KRT82: variants seen among roughly 807,000 people sequenced by gnomAD.
The protein encoded by KRT82 is keratin, type II cuticular Hb2.
Under a neutral mutation model 48.0 loss-of-function variants are expected in KRT82, and 44 were observed. The ratio of observed to expected loss-of-function variants is 0.92; its 90% CI spans 0.72 to 1.18. The LOEUF is 1.18. Among genes scored for constraint, KRT82 ranks in the 50% most tolerant of loss-of-function variants. The probability of loss-of-function intolerance (pLI) is 0.00; values close to 1 mark genes in which losing one functional copy is unlikely to be tolerated. For synonymous variants in KRT82, 297 were observed against 278.3 expected (o/e 1.07, Z -0.67); for missense variants, 701 against 671.4 (o/e 1.04, Z -0.49).
intron 2 of KRT82, among the ~76,000 whole-genome samples, chr12:52,402,933 AAGGCACTGGATTCCCATG>A (rs1288957918): frequency 1.3e-5 from 2 of 152,264 alleles, no homozygotes; most frequent in Non-Finnish European, 2.9e-5. Flanking sequence ...GGACTGTCAC[AAGGCACTGGATTCCCATG>A]GGGCACTGGA....
rs1291756887 is a variant in KRT82, at chr12:52,396,961, G to A, written c.990C>T (p.Arg330=). 6.2e-7 allele frequency: 1 copy of A among 1,614,026 alleles called. No individual in the cohort carries two copies. Among genetic ancestry groups the A allele is most frequent in the Non-Finnish European group, 8.5e-7 (1 of 1,179,998 alleles). Residue 330 remains arginine (R), a synonymous_variant, in exon 6 of 9, where the codon CGC becomes CGT. Transcript: ENST00000257974. ...TTTCCAGGATCTCGTTCTTACGGTT[G>A]CGGAGGTTGTCACAGTGGTTCCCAG... is the stretch of plus-strand genomic sequence containing the variant. The part of the protein sequence containing the change: ...VTAGNHCDNL[R]NRKNEILEMN...
At chr12:52,400,492 C>G in intron 4 of KRT82, 35 bp downstream of exon 4, 1 of 1,534,998 alleles carries the variant, frequency 6.5e-7, no homozygotes, top group Non-Finnish European at 9.0e-7. Flanking sequence ...TGGCTCCAGC[C>G]CTGACTAACC....
chr12:52,400,825 G>T (rs1211754133), intron 3 of KRT82, among the ~76,000 whole-genome samples: 1 of 152,166 alleles, frequency 6.6e-6, no homozygotes, highest in African/African-American at 2.4e-5. Context: ...AGGATCTGAA[G>T]GGGGTGGGGC....
intron 2 of KRT82, among the ~76,000 whole-genome samples, chr12:52,401,700 C>T (rs1276252857): frequency 3.3e-5 from 5 of 152,198 alleles, no homozygotes; most frequent in African/African-American, 7.2e-5. Context: ...GCTGGCCTAG[C>T]TGTTTTTTTC....
chr12:52,395,866 G>C (rs545393253), intron 7 of KRT82, 76 bp from the exon 8 acceptor site: 1 of 1,464,366 alleles, frequency 6.8e-7, no homozygotes, highest in South Asian at 1.3e-5. Flanking sequence ...CCCCGCTCCC[G>C]CCCTCATTGT....
At chr12:52,400,480 C>T (rs774447389) in intron 4 of KRT82, 47 bp downstream of exon 4, 18 of 1,461,974 alleles carry the variant, frequency 1.2e-5, no homozygotes, top group Non-Finnish European at 9.6e-7. Context: ...CTCTCGATCC[C>T]TTGGCTCCAG....
At chr12:52,400,858 A>G (rs916161) in intron 3 of KRT82, among the ~76,000 whole-genome samples, 118,895 of 152,104 alleles carry the variant, frequency 0.78, 47,105 homozygotes, top group African/African-American at 0.92. Context: ...TAGCAGCAGC[A>G]TCTCAGAGCC....
intron 5 of KRT82, among the ~76,000 whole-genome samples, chr12:52,399,631 G>A (rs563591804): frequency 2.0e-5 from 3 of 152,316 alleles, no homozygotes; most frequent in African/African-American, 7.2e-5. Context: ...GAAGCTTAGA[G>A]CCCTCTTTGC....
At chr12:52,400,390 C>T (rs1482924118) in intron 4 of KRT82, 137 bp downstream of exon 4, 10 of 727,148 alleles carry the variant, frequency 1.4e-5, no homozygotes, top group East Asian at 2.6e-5. Flanking sequence ...TGAGTCTCAC[C>T]GCCTGAGAAC....
At chr12:52,395,972 C>G (rs750435842) in intron 7 of KRT82, 40 bp downstream of exon 7, 1 of 1,612,654 alleles carries the variant, frequency 6.2e-7, no homozygotes, top group South Asian at 1.1e-5. Context: ...AATGGCCATA[C>G]CTGGTAGCCC....
chr12:52,395,674 T>C, intron 8 of KRT82, 85 bp downstream of exon 8: 5 of 1,011,776 alleles, frequency 4.9e-6, no homozygotes, highest in African/African-American at 1.6e-5. Flanking sequence ...ATCAGAGGTC[T>C]AGGAAGGGGT....
chr12:52,400,504 C>T (rs754176492), intron 4 of KRT82, 23 bp downstream of exon 4: 23 of 1,585,936 alleles, frequency 1.5e-5, no homozygotes, highest in Non-Finnish European at 1.9e-5. Context: ...TGACTAACCA[C>T]CCAAGGTCAG....
At chr12:52,397,128 A>C in intron 5 of KRT82, 120 bp from the exon 6 acceptor site, 1 of 1,263,660 alleles carries the variant, frequency 7.9e-7, no homozygotes. Context: ...TCTGGTTCTC[A>C]TACTGGTTCT....
chr12:52,405,757 A>T lies in KRT82; in HGVS notation c.411+110T>A. 4 of 1,135,190 alleles carry T rather than the reference A, an allele frequency of 3.5e-6. 1 individual carries two copies. The highest frequency in any genetic ancestry group is 1.5e-5 in the African/African-American group (1 of 64,682). The allele number at this position is 1,135,190 out of a possible 1,614,324, so 70.3% of individuals were successfully genotyped here. ...GAATGTGAGGGAGGCCACTGGATAAACTGAGGCCTCCTCAATGTCAGTCTC... is the reference window on the plus strand; with the variant it reads ...GAATGTGAGGGAGGCCACTGGATAATCTGAGGCCTCCTCAATGTCAGTCTC... On this transcript the variant is annotated intron_variant, in intron 1 of 8. Coordinates refer to ENST00000257974, the MANE Select transcript of KRT82 (RefSeq NM_033033.4).
intron 2 of KRT82, 123 bp from the exon 3 acceptor site, chr12:52,401,472 G>T: frequency 1.2e-6 from 1 of 859,482 alleles, no homozygotes. Flanking sequence ...GAGTGCCCAG[G>T]TCCAGCCCTG....
intron 5 of KRT82, among the ~76,000 whole-genome samples, chr12:52,398,324 G>A (rs1939740753): frequency 6.6e-6 from 1 of 152,190 alleles, no homozygotes; most frequent in South Asian, 2.1e-4. Flanking sequence ...CTTGGAACAT[G>A]AGGCAACCAA....
chr12:52,396,858 G>T lies in KRT82; in HGVS notation c.1068+25C>A, dbSNP rs772297642. The T allele has an allele frequency of 7.4e-6, 12 of 1,612,636 alleles. No homozygotes were observed. The East Asian group carries it at 2.7e-4, about 36-fold the overall frequency. On this transcript the variant is annotated intron_variant, in intron 6 of 8. Coordinates refer to ENST00000257974, the MANE Select transcript of KRT82 (RefSeq NM_033033.4). ...CAGTCAGCCCAGGATGGCTGTTGCA[G>T]CAAGGAAGTCCTCCCCAGCCTCACC...
intron 6 of KRT82, 121 bp downstream of exon 6, chr12:52,396,762 G>T: frequency 8.8e-7 from 1 of 1,133,082 alleles, no homozygotes; most frequent in Non-Finnish European, 1.3e-6. Context: ...GAGCAAGGCA[G>T]CACAAGTTTA....
chr12:52,400,169 G>A lies in KRT82; in HGVS notation c.778-20C>T, dbSNP rs1462061833. 3 of 1,605,164 alleles carry A rather than the reference G, an allele frequency of 1.9e-6. No individual in the cohort carries two copies. The highest frequency in any genetic ancestry group is 2.7e-5 in the African/African-American group (2 of 74,780). ...GATCTCCTGGGGGCAGGGCCCATGTGAGAAGGAGTGAGCTCTCTGAGCGTC... is the reference window on the plus strand; with the variant it reads ...GATCTCCTGGGGGCAGGGCCCATGTAAGAAGGAGTGAGCTCTCTGAGCGTC... On this transcript the variant is annotated intron_variant, in intron 4 of 8. Transcript: ENST00000257974.
Sources: allele counts gnomAD v4.1 joint callset (sites outside exome capture counted in the v4.1 genomes callset), GRCh38; gene constraint gnomAD v4.1.1; transcripts MANE v1.5; gene names NCBI Gene and HGNC (gene_info 2026-07-23, HGNC 2026-07-21).